The following SHANK2 variants were observed in gnomAD, a reference collection of about 807,000 sequenced individuals.
SHANK2 encodes the protein SH3 and multiple ankyrin repeat domains protein 2.
In SHANK2, 43 loss-of-function variants were observed where a neutral mutation model predicts 133.7. The observed-to-expected ratio is 0.32, with a 90% CI of 0.25 to 0.41. The LOEUF is 0.41. Among genes scored for constraint, SHANK2 ranks in the 10% least tolerant of loss-of-function variants. The pLI is 1.00. For synonymous variants in SHANK2, 1,017 were observed against 952.8 expected (o/e 1.07, Z -1.24); for missense variants, 1,994 against 2,235.8 (o/e 0.89, Z 2.18).
intron 6 of SHANK2, among the ~76,000 whole-genome samples, chr11:71,103,377 G>A (rs958374981): frequency 3.3e-5 from 5 of 152,134 alleles, no homozygotes; most frequent in Non-Finnish European, 7.3e-5. Flanking sequence ...GTCTCCCTGG[G>A]ACCAACAGGC....
intron 5 of SHANK2, among the ~76,000 whole-genome samples, chr11:71,111,146 C>T (rs1264699326): frequency 6.6e-6 from 1 of 152,172 alleles, no homozygotes; most frequent in Non-Finnish European, 1.5e-5. Context: ...GTAAAAGCAG[C>T]GTAAATGGCC....
intron 10 of SHANK2, among the ~76,000 whole-genome samples, chr11:70,943,288 T>C (rs1555084720): frequency 2.0e-5 from 3 of 152,140 alleles, no homozygotes; most frequent in South Asian, 4.1e-4. Flanking sequence ...ACTTCTTAGA[T>C]AAACTCAACA....
At chr11:70,920,761 T>C (rs1439720846) in intron 10 of SHANK2, among the ~76,000 whole-genome samples, 1 of 152,202 alleles carries the variant, frequency 6.6e-6, no homozygotes, top group East Asian at 1.9e-4. Context: ...GAAGAATTTT[T>C]TGTGCATGGT....
chr11:70,787,570 C>T (rs1182073431), intron 14 of SHANK2, among the ~76,000 whole-genome samples: 1 of 151,828 alleles, frequency 6.6e-6, no homozygotes, highest in Non-Finnish European at 1.5e-5. Context: ...TCACCATGAC[C>T]ACCACCACCA....
At chr11:71,116,156 C>A (rs1951974819) in intron 4 of SHANK2, among the ~76,000 whole-genome samples, 1 of 152,206 alleles carries the variant, frequency 6.6e-6, no homozygotes, top group Admixed American at 6.5e-5. Context: ...CACCTTAGCC[C>A]TGGGTGGGCG....
chr11:70,899,813 C>T (rs1463248623), intron 10 of SHANK2, among the ~76,000 whole-genome samples: 4 of 152,204 alleles, frequency 2.6e-5, no homozygotes, highest in South Asian at 2.1e-4. Flanking sequence ...CAGACCAGCC[C>T]TTGCCGAATG....
intron 10 of SHANK2, among the ~76,000 whole-genome samples, chr11:70,935,343 AAC>A (rs1295360980): frequency 6.6e-6 from 1 of 152,258 alleles, no homozygotes; most frequent in African/African-American, 2.4e-5. Context: ...CAGGTCCTGA[AAC>A]ACAGCCCACA....
intron 14 of SHANK2, among the ~76,000 whole-genome samples, chr11:70,766,837 G>T (rs1947133555): frequency 6.6e-6 from 1 of 152,236 alleles, no homozygotes; most frequent in Non-Finnish European, 1.5e-5. Flanking sequence ...AAAGTAGGCT[G>T]CTGGAAGAGC....
In SHANK2 at chr11:71,119,011, C is replaced by A; in HGVS notation, c.229G>T (p.Asp77Tyr). 6.4e-7 allele frequency: 1 copy of A among 1,551,678 alleles called. No homozygotes were observed. Among genetic ancestry groups the A allele is most frequent in the Non-Finnish European group, 8.7e-7 (1 of 1,146,978 alleles). ...TGCTTTGCAACCCACACTGTGGCAT[C>A]CGGGTTAAATCGAATGCATTTCTGC... ...QQTKCIRFNP[D>Y]ATVWVAKQRI... is the part of the protein sequence containing the mutation. Residue 77 changes from aspartate (D) to tyrosine (Y), a missense_variant, in exon 4 of 26, where the codon GAT (aspartate) becomes TAT (tyrosine). This residue lies in a region of SHANK2 where 653 missense variants were observed against 563.4 expected (regional missense o/e 1.16). Transcript: ENST00000601538.
chr11:71,154,169 G>A (rs1230584452), intron 2 of SHANK2, among the ~76,000 whole-genome samples: 1 of 152,066 alleles, frequency 6.6e-6, no homozygotes, highest in South Asian at 2.1e-4. Flanking sequence ...AAATGTGCTC[G>A]GCCTCAAGGC....
chr11:70,601,600 C>T (rs1429589151), intron 17 of SHANK2, among the ~76,000 whole-genome samples: 1 of 152,198 alleles, frequency 6.6e-6, no homozygotes, highest in African/African-American at 2.4e-5. Flanking sequence ...GATCCACCTG[C>T]CTTGGCCTCC....
chr11:70,678,532 C>CTTT (rs34446408), intron 15 of SHANK2, among the ~76,000 whole-genome samples: 811 of 77,066 alleles, frequency 0.011, 64 homozygotes, highest in African/African-American at 0.029. Context: ...TAAGAACAGG[C>CTTT]TTTTTTTTTT....
chr11:70,879,129 C>A (rs189922598), intron 11 of SHANK2, among the ~76,000 whole-genome samples: 61 of 152,288 alleles, frequency 4.0e-4, no homozygotes, highest in African/African-American at 1.3e-3. Context: ...CCTGGATCCA[C>A]GGAGAATTGG....
At chr11:70,726,251 C>T (rs1285697667) in intron 14 of SHANK2, among the ~76,000 whole-genome samples, 2 of 152,300 alleles carry the variant, frequency 1.3e-5, no homozygotes, top group South Asian at 4.1e-4. Flanking sequence ...GACCTGAGCT[C>T]CCTGGGGCTG....
intron 10 of SHANK2, among the ~76,000 whole-genome samples, chr11:70,946,693 T>G (rs1453170940): frequency 2.8e-5 from 4 of 144,780 alleles, no homozygotes; most frequent in Non-Finnish European, 6.0e-5. Context: ...TAACCAACCC[T>G]TCCCAGACTC....
chr11:70,787,405 C>T (rs964652516), intron 14 of SHANK2, among the ~76,000 whole-genome samples: 8 of 149,764 alleles, frequency 5.3e-5, no homozygotes, highest in South Asian at 2.1e-4. Flanking sequence ...CTATCATCAC[C>T]GTGACCACCA....
chr11:71,168,694 G>A (rs56393668), intron 2 of SHANK2, among the ~76,000 whole-genome samples: 37,698 of 151,888 alleles, frequency 0.25, 5,141 homozygotes, highest in African/African-American at 0.34. Context: ...GCGTGGCGGC[G>A]CGCGCCTGCA....
chr11:71,131,917 C>A (rs1344597848), intron 3 of SHANK2, among the ~76,000 whole-genome samples: 2 of 152,188 alleles, frequency 1.3e-5, no homozygotes, highest in Admixed American at 1.3e-4. Context: ...CCAAAAATGC[C>A]AGATCATTCC....
intron 17 of SHANK2, among the ~76,000 whole-genome samples, chr11:70,587,697 A>ACTTTTTTT (rs1565155003): frequency 1.0e-5 from 1 of 99,584 alleles, no homozygotes; most frequent in African/African-American, 3.9e-5. Flanking sequence ...GAGCACGTCC[A>ACTTTTTTT]GTTTTTTTTT....
Sources: gnomAD v4.1 joint callset for allele counts (sites outside exome capture counted in the v4.1 genomes callset) on GRCh38, gnomAD v4.1.1 for gene constraint, gnomAD v4.1.1 regional missense constraint, MANE v1.5 for transcripts, NCBI Gene and HGNC (gene_info 2026-07-23, HGNC 2026-07-21) for gene names.